The following CCDC50 variants were observed in gnomAD, a reference collection of about 807,000 sequenced individuals.
CCDC50 encodes coiled-coil domain-containing protein 50.
In CCDC50, 54 loss-of-function variants were observed where a neutral mutation model predicts 70.2. That is an observed-to-expected ratio of 0.77 (90% CI 0.62 to 0.96). The LOEUF is 0.96. CCDC50 is among the 50% of genes least tolerant of loss of function. The probability of loss-of-function intolerance (pLI) is 0.00; values close to 1 mark genes in which losing one functional copy is unlikely to be tolerated. For missense variants in CCDC50, 558 were observed against 578.7 expected, an observed-to-expected ratio of 0.96 and a Z score of 0.37; for synonymous variants, 216 against 198.8, an observed-to-expected ratio of 1.09 and a Z score of -0.73.
At chr3:191,346,778 G>A (rs533501769) in intron 1 of CCDC50, among the ~76,000 whole-genome samples, 159 of 152,218 alleles carry the variant, frequency 1.0e-3, no homozygotes, top group African/African-American at 3.6e-3. Flanking sequence ...GGGAGTTTCC[G>A]GTGGCTGAAA....
chr3:191,361,197 A>G (rs771932781), intron 4 of CCDC50, 38 bp downstream of exon 4: 1 of 1,476,234 alleles, frequency 6.8e-7, no homozygotes, highest in Non-Finnish European at 9.5e-7. Flanking sequence ...TCATGGAGAA[A>G]GGGGTGCTCA....
chr3:191,351,361 C>A (rs1328489783), intron 1 of CCDC50, among the ~76,000 whole-genome samples: 1 of 139,730 alleles, frequency 7.2e-6, no homozygotes, highest in Non-Finnish European at 1.6e-5. Context: ...ACATTCAAAT[C>A]AATGTTGATC....
chr3:191,349,728 T>C lies in CCDC50; in HGVS notation c.50-7360T>C, dbSNP rs773768449. ...ACTTGAAACCCTTAAATTTATACAA[T>C]TAAGAAACTTTTTATTCCTGTTTTT... On this transcript the variant is annotated intron_variant, in intron 1 of 11. Transcript: ENST00000392455. Among the ~76,000 whole-genome samples, 11 of 141,464 alleles carry C rather than the reference T, an allele frequency of 7.8e-5. 1 individual carries two copies. Among genetic ancestry groups the C allele is most frequent in the Non-Finnish European group, 1.4e-4 (9 of 62,732 alleles). 92.8% of individuals were successfully genotyped at this position (141,464 alleles called of 152,430 possible). A position where few individuals can be genotyped will look rare whatever the true frequency, so the allele number is the denominator to read the frequency against.
intron 1 of CCDC50, among the ~76,000 whole-genome samples, chr3:191,353,835 CA>C (rs1448349152): frequency 4.1e-5 from 4 of 98,418 alleles, no homozygotes; most frequent in Non-Finnish European, 1.0e-4. Context: ...TGTATGTGTT[CA>C]TGTACTTCCT....
At chr3:191,362,907 G>T (rs938964151) in intron 4 of CCDC50, among the ~76,000 whole-genome samples, 1 of 152,162 alleles carries the variant, frequency 6.6e-6, no homozygotes, top group South Asian at 2.1e-4. Flanking sequence ...CACAGGAGGC[G>T]CTTTCTTAGT....
chr3:191,372,964 T>A (rs939311945), intron 5 of CCDC50, among the ~76,000 whole-genome samples: 4 of 152,124 alleles, frequency 2.6e-5, no homozygotes, highest in African/African-American at 9.7e-5. Context: ...TTTGGTGAAG[T>A]ACTTATTTAT....
chr3:191,357,382 AAG>A (rs991495653), intron 2 of CCDC50, among the ~76,000 whole-genome samples: 1 of 152,154 alleles, frequency 6.6e-6, no homozygotes, highest in African/African-American at 2.4e-5. Context: ...TAGGAGGAAA[AAG>A]AGAGGTTTGA....
At chr3:191,380,314 G>A (rs763432139) in intron 7 of CCDC50, 40 bp downstream of exon 7, 25 of 1,290,106 alleles carry the variant, frequency 1.9e-5, no homozygotes, top group African/African-American at 4.4e-5. Flanking sequence ...TATATTGATG[G>A]GTATTTTTTT....
intron 6 of CCDC50, among the ~76,000 whole-genome samples, chr3:191,376,058 G>GGA (rs1713103211): frequency 6.6e-6 from 1 of 152,188 alleles, no homozygotes; most frequent in Non-Finnish European, 1.5e-5. Context: ...TGTAAAATGA[G>GGA]GAGTTGGATA....
intron 10 of CCDC50, among the ~76,000 whole-genome samples, chr3:191,383,590 G>A (rs760554993): frequency 3.9e-5 from 6 of 151,952 alleles, no homozygotes; most frequent in Admixed American, 6.6e-5. Flanking sequence ...GAAACATAAC[G>A]CTTATTTCAT....
chr3:191,356,641 C>T (rs1229650768), intron 1 of CCDC50, among the ~76,000 whole-genome samples: 2 of 152,188 alleles, frequency 1.3e-5, no homozygotes, highest in Non-Finnish European at 2.9e-5. Context: ...GGGAGAGGAT[C>T]GTCTGAACCA....
At chr3:191,329,806 G>T (rs888480461) in intron 1 of CCDC50, 83 bp downstream of exon 1, 2 of 1,443,936 alleles carry the variant, frequency 1.4e-6, no homozygotes, top group Non-Finnish European at 1.9e-6. Context: ...TTGCCATTTC[G>T]GCTCCCGCGG....
chr3:191,353,296 A>G (rs955134273), intron 1 of CCDC50, among the ~76,000 whole-genome samples: 2 of 142,190 alleles, frequency 1.4e-5, no homozygotes, highest in African/African-American at 2.5e-5. Flanking sequence ...GCTCATTTTA[A>G]TAGCAGACTG....
chr3:191,384,659 A>G (rs540457904), intron 10 of CCDC50, among the ~76,000 whole-genome samples: 1 of 152,002 alleles, frequency 6.6e-6, no homozygotes, highest in African/African-American at 2.4e-5. Flanking sequence ...TTTTGTTGTT[A>G]TTTTTCAAAA....
chr3:191,351,306 T>C (rs1162195217), intron 1 of CCDC50, among the ~76,000 whole-genome samples: 1 of 142,078 alleles, frequency 7.0e-6, no homozygotes, highest in Non-Finnish European at 1.6e-5. Flanking sequence ...TAAAGGCTGT[T>C]TTAGGCCTCC....
chr3:191,333,496 C>T (rs141827882), intron 1 of CCDC50, among the ~76,000 whole-genome samples: 10 of 152,260 alleles, frequency 6.6e-5, no homozygotes, highest in Non-Finnish European at 7.4e-5. Flanking sequence ...TCTGGCTACA[C>T]GGCAAACCCA....
intron 10 of CCDC50, among the ~76,000 whole-genome samples, chr3:191,387,276 TAAAG>T (rs1181850021): frequency 4.6e-5 from 7 of 152,176 alleles, no homozygotes; most frequent in East Asian, 3.9e-4. Context: ...GAGGGTTTCT[TAAAG>T]AAGTGAATTT....
chr3:191,391,780 G>A lies in CCDC50; in HGVS notation c.*20G>A. On this transcript the variant is annotated 3_prime_UTR_variant, in exon 12 of 12. Transcript: ENST00000392455. ...CATTAAAAACCTAGGAATCTGCCTT[G>A]AAAATGGACTCACTATAGCAAATAT... is the stretch of plus-strand genomic sequence containing the variant. 1 of 1,607,778 alleles carries A rather than the reference G, an allele frequency of 6.2e-7. No individual in the cohort carries two copies. Among genetic ancestry groups the A allele is most frequent in the Non-Finnish European group, 8.5e-7 (1 of 1,174,590 alleles).
Position 191,358,115 on chromosome 3 carries a change from A to G in CCDC50, c.230A>G (p.Tyr77Cys), listed in dbSNP as rs1219082464. Reference protein sequence around the residue: ...LKAQAQLQKRYKDLEQQDCEI... With the variant: ...LKAQAQLQKRCKDLEQQDCEI... Reference sequence around the variant, plus strand: ...GCGCAGGCCCAGCTCCAGAAGCGCTACAAAGACCTGTGAGGATTTGGGAGG... The same window carrying G: ...GCGCAGGCCCAGCTCCAGAAGCGCTGCAAAGACCTGTGAGGATTTGGGAGG... The change falls in exon 3 of 12, where the codon TAC (tyrosine) becomes TGC (cysteine). Residue 77 changes from tyrosine (Y) to cysteine (C), a missense_variant. Physicochemically the swap from Tyr to Cys is radical, Grantham distance 194. Coordinates refer to ENST00000392455, the MANE Select transcript of CCDC50 (RefSeq NM_178335.3). 1 of 1,613,824 alleles carries G rather than the reference A, an allele frequency of 6.2e-7. No individual in the cohort carries two copies. The highest frequency in any genetic ancestry group is 8.5e-7 in the Non-Finnish European group (1 of 1,179,842).
Sources: allele counts gnomAD v4.1 joint callset (sites outside exome capture counted in the v4.1 genomes callset), GRCh38; gene constraint gnomAD v4.1.1; transcripts MANE v1.5; gene names NCBI Gene and HGNC (gene_info 2026-07-23, HGNC 2026-07-21).